SET: variants seen among roughly 807,000 people sequenced by gnomAD.
SET encodes the protein SET nuclear proto-oncogene.
Under a neutral mutation model 39.0 loss-of-function variants are expected in SET, and 4 were observed. That is an observed-to-expected ratio of 0.10 (90% CI 0.05 to 0.23). The LOEUF is 0.23. Among genes scored for constraint, SET ranks in the 10% least tolerant of loss-of-function variants. The pLI is 1.00. For missense variants in SET, 137 were observed against 329.7 expected, an observed-to-expected ratio of 0.42 and a Z score of 4.53; for synonymous variants, 114 against 115.9, an observed-to-expected ratio of 0.98 and a Z score of 0.11.
intron 5 of SET, 102 bp downstream of exon 5, chr9:128,693,083 C>A (rs963158693): frequency 1.3e-6 from 1 of 759,802 alleles, no homozygotes; most frequent in Non-Finnish European, 2.2e-6. Flanking sequence ...TGGCTAAATA[C>A]AAAACCTTAA....
At chr9:128,683,597 A>G, upstream of SET, 1 of 315,108 alleles carries the variant, frequency 3.2e-6, no homozygotes, top group Admixed American at 4.8e-5. Context: ...CAGGAGGTCT[A>G]GAAAGCACAG....
Position 128,693,121 on chromosome 9 carries a change from C to T in SET, c.492+140C>T, listed in dbSNP as rs986132528. On this transcript the variant is annotated intron_variant, in intron 5 of 7. Transcript: ENST00000322030. Reference sequence around the variant, plus strand: ...TATAAAACGTTCCAGTGTGCTGAAGCCAAGTATTACAGTAGTTTAGGGTTC... The same window carrying T: ...TATAAAACGTTCCAGTGTGCTGAAGTCAAGTATTACAGTAGTTTAGGGTTC... The T allele has an allele frequency of 4.3e-4, 271 of 631,680 alleles. 1 individual carries two copies. The highest frequency in any genetic ancestry group is 7.4e-4 in the Non-Finnish European group (265 of 356,142). 39.1% of individuals were successfully genotyped at this position (631,680 alleles called of 1,614,324 possible).
In SET at chr9:128,693,958, G is replaced by A; in HGVS notation, c.726G>A (p.Glu242=). 3 of 1,550,754 alleles carry A rather than the reference G, an allele frequency of 1.9e-6. No individual in the cohort carries two copies. Among genetic ancestry groups the A allele is most frequent in the Non-Finnish European group, 2.7e-6 (3 of 1,123,692 alleles). The change falls in exon 7 of 8, where the codon GAG becomes GAA. Residue 242 remains glutamate, a synonymous_variant. Transcript: ENST00000322030. ...AAGATGATGATGATGATGAAGAGGA[G>A]GAAGGATTAGAAGATATTGACGAAG... ...GEEDDDDDEE[E]EGLEDIDEEG... is the part of the protein sequence containing the mutation.
At chr9:128,688,381 A>G (rs1161603025), upstream of SET, among the ~76,000 whole-genome samples, 2 of 152,138 alleles carry the variant, frequency 1.3e-5, no homozygotes, top group Non-Finnish European at 2.9e-5. Context: ...CTCAAGTAGA[A>G]CTTGTTGGCC....
upstream of SET, among the ~76,000 whole-genome samples, chr9:128,687,954 C>T (rs945523681): frequency 1.3e-5 from 2 of 151,994 alleles, no homozygotes; most frequent in Admixed American, 6.5e-5. Context: ...CAGTGGCTCC[C>T]GCCTGTAATC....
rs188757859 is a variant in SET at position 128,693,324 on chromosome 9, C to T, written c.493-314C>T. On this transcript the variant is annotated intron_variant, in intron 5 of 7. Transcript: ENST00000322030. Reference sequence around the variant, plus strand: ...GTTGTTTTCTGCAGTGGTGACTGAGCTCTTCAAATGGCTTGCCATTTCTCA... The same window carrying T: ...GTTGTTTTCTGCAGTGGTGACTGAGTTCTTCAAATGGCTTGCCATTTCTCA... Among the ~76,000 whole-genome samples, 13 of 152,314 alleles carry T rather than the reference C, an allele frequency of 8.5e-5. No individual in the cohort carries two copies. In the East Asian group the frequency reaches 2.1e-3, roughly 25 times the overall value.
exon 1 of SET, chr9:128,683,957 C>A: frequency 6.4e-7 from 1 of 1,557,586 alleles, no homozygotes; most frequent in Non-Finnish European, 8.7e-7. Context: ...CCACCTCCTG[C>A]TCTGGGACCG....
intron 7 of SET, 99 bp from the exon 8 acceptor site, chr9:128,694,542 T>C: frequency 1.4e-6 from 1 of 703,782 alleles, no homozygotes; most frequent in Non-Finnish European, 2.4e-6. Flanking sequence ...GTTTAGAAAC[T>C]GGAGTGCCCC....
chr9:128,694,530 A>T, intron 7 of SET, 111 bp from the exon 8 acceptor site: 1 of 634,724 alleles, frequency 1.6e-6, no homozygotes, highest in East Asian at 2.9e-5. Flanking sequence ...GCTGACTTAC[A>T]GGTTTAGAAA....
chr9:128,690,170 G>A (rs1239778657), intron 1 of SET: 2 of 161,628 alleles, frequency 1.2e-5, no homozygotes, highest in Non-Finnish European at 2.6e-5. Context: ...GGGGCGCGGG[G>A]AACACGCGGG....
chr9:128,689,163 T>C, upstream of SET: 4 of 649,106 alleles, frequency 6.2e-6, no homozygotes, highest in Non-Finnish European at 5.7e-6. Context: ...GGCGCGAGCC[T>C]CCCCGGCCGG....
At chr9:128,688,421 T>A (rs1269817367), upstream of SET, among the ~76,000 whole-genome samples, 3 of 152,176 alleles carry the variant, frequency 2.0e-5, no homozygotes, top group Non-Finnish European at 4.4e-5. Context: ...GAACACCGCC[T>A]ATCGCTTGGG....
upstream of SET, among the ~76,000 whole-genome samples, chr9:128,688,108 G>A (rs959330841): frequency 2.0e-5 from 3 of 152,004 alleles, no homozygotes; most frequent in African/African-American, 7.2e-5. Context: ...CTACTCGGGA[G>A]GCCGAGGCAG....
At chr9:128,692,408 A>AC (rs1371237881) in intron 3 of SET, 23 of 256,548 alleles carry the variant, frequency 9.0e-5, no homozygotes, top group African/African-American at 3.3e-4. Flanking sequence ...AAAAAAAAAA[A>AC]AAAAAAAAAA....
Position 128,695,568 on chromosome 9 carries a change from T to C in SET, c.*904T>C, listed in dbSNP as rs1220398602. On this transcript the variant is annotated 3_prime_UTR_variant, in exon 8 of 8. Transcript: ENST00000322030. ...GCTTTTCTCTCAGCATAGGTATGCT[T>C]ACTATGACCTTCCAAGTTTGACTTG... 1 of 224,228 alleles carries C rather than the reference T, an allele frequency of 4.5e-6. No homozygotes were observed. The highest frequency in any genetic ancestry group is 9.0e-6 in the Non-Finnish European group (1 of 111,486). The allele number at this position is 224,228 out of a possible 1,614,324, so 13.9% of individuals were successfully genotyped here. A position where few individuals can be genotyped will look rare whatever the true frequency, so the allele number is the denominator to read the frequency against.
chr9:128,690,954 A>C (rs570903825), intron 1 of SET: 1 of 612,968 alleles, frequency 1.6e-6, no homozygotes, highest in Admixed American at 3.0e-5. Flanking sequence ...TAGAAAACCA[A>C]TTTCTGAGTA....
chr9:128,689,684 C>G (rs772154538), intron 1 of SET, 29 bp downstream of exon 1: 6 of 818,886 alleles, frequency 7.3e-6, no homozygotes, highest in Middle Eastern at 5.1e-4. Flanking sequence ...GGGGCCGGCC[C>G]GCGCCGCCAT....
chr9:128,692,433 G>A (rs567310431), intron 3 of SET: 12 of 265,248 alleles, frequency 4.5e-5, no homozygotes, highest in South Asian at 3.2e-4. Context: ...CCTCAAAGAC[G>A]GGAAAAGATA....
chr9:128,695,784 T>G lies in SET; in HGVS notation c.*1120T>G, dbSNP rs894934984. ...TATTCACATCATTTGGGATACCAGA[T>G]AGCTCAATACTCTCTGAGTACATTG... On this transcript the variant is annotated 3_prime_UTR_variant, in exon 8 of 8. Coordinates refer to ENST00000322030, the MANE Select transcript of SET (RefSeq NM_003011.4). The G allele has an allele frequency of 4.4e-6, 1 of 227,868 alleles. No homozygotes were observed. Among genetic ancestry groups the G allele is most frequent in the African/African-American group, 2.2e-5 (1 of 45,132 alleles). The allele number at this position is 227,868 out of a possible 1,614,324, so 14.1% of individuals were successfully genotyped here.
Sources: allele counts gnomAD v4.1 joint callset (sites outside exome capture counted in the v4.1 genomes callset), GRCh38; gene constraint gnomAD v4.1.1; transcripts MANE v1.5; gene names NCBI Gene and HGNC (gene_info 2026-07-23, HGNC 2026-07-21).